Variants in POLR3B observed in about 807,000 individuals in gnomAD.
POLR3B encodes the protein RNA polymerase III subunit B, also known as DNA-directed RNA polymerase III subunit RPC2.
POLR3B carries 96 observed loss-of-function variants against 147.4 expected under a neutral mutation model. The observed-to-expected ratio is 0.65, with a 90% confidence interval of 0.55 to 0.77. The LOEUF is 0.77. POLR3B is among the 30% of genes least tolerant of loss of function. The pLI is 0.00. For missense variants in POLR3B, 1,036 were observed against 1,413.5 expected (o/e 0.73, Z 4.28); for synonymous variants, 461 against 485.9 (o/e 0.95, Z 0.67).
chr12:106,438,299 A>C (rs2037604279), intron 18 of POLR3B, among the ~76,000 whole-genome samples: 1 of 152,188 alleles, frequency 6.6e-6, no homozygotes, highest in African/African-American at 2.4e-5. Context: ...AGAAATATAC[A>C]ATTTTATAGC....
rs772725938 is a variant in POLR3B at position 106,474,671 on chromosome 12, C to T, written c.2713+11051C>T. Among the ~76,000 whole-genome samples, 19 of 138,726 alleles carry T rather than the reference C, an allele frequency of 1.4e-4. No individual in the cohort carries two copies. In the South Asian group the frequency reaches 4.2e-3, roughly 31 times the overall value. The allele number at this position is 138,726 out of a possible 152,430, so 91.0% of individuals were successfully genotyped here. On this transcript the variant is annotated intron_variant, in intron 23 of 27. Transcript: ENST00000228347. ...TTTGCGTAGAGGTGTTTGTAGTATT[C>T]TCTGATGGTAGTTTGTATTTCTGTG...
intron 10 of POLR3B, among the ~76,000 whole-genome samples, chr12:106,394,593 A>G (rs939652386): frequency 7.2e-5 from 11 of 152,196 alleles, no homozygotes; most frequent in African/African-American, 2.2e-4. Context: ...TTTATTTCAA[A>G]CATCATCATT....
intron 6 of POLR3B, among the ~76,000 whole-genome samples, chr12:106,373,352 A>G (rs1257759084): frequency 6.6e-6 from 1 of 152,168 alleles, no homozygotes; most frequent in Non-Finnish European, 1.5e-5. Context: ...TTTATCTCTT[A>G]TAATATTCTT....
At chr12:106,507,845 A>G (rs1373118820) in intron 27 of POLR3B, 2 of 455,500 alleles carry the variant, frequency 4.4e-6, no homozygotes, top group Non-Finnish European at 8.8e-6. Flanking sequence ...ACTGATTGCA[A>G]AAATGATCCC....
intron 18 of POLR3B, among the ~76,000 whole-genome samples, chr12:106,440,955 A>G (rs1365507357): frequency 6.6e-6 from 1 of 152,126 alleles, no homozygotes; most frequent in African/African-American, 2.4e-5. Context: ...TTTTTGTATT[A>G]TTTAATTCAT....
At chr12:106,499,795 C>T (rs2038566212) in intron 25 of POLR3B, among the ~76,000 whole-genome samples, 1 of 152,174 alleles carries the variant, frequency 6.6e-6, no homozygotes, top group Non-Finnish European at 1.5e-5. Flanking sequence ...CCTTCCACTC[C>T]ACTCTGTGTC....
At chr12:106,368,562 A>G (rs1315522705) in intron 4 of POLR3B, among the ~76,000 whole-genome samples, 7 of 152,168 alleles carry the variant, frequency 4.6e-5, no homozygotes, top group African/African-American at 7.2e-5. Context: ...ATCCTAGACT[A>G]TAAATAAAGT....
At chr12:106,460,766 ATCT>A (rs1240619054) in intron 22 of POLR3B, among the ~76,000 whole-genome samples, 2 of 151,978 alleles carry the variant, frequency 1.3e-5, no homozygotes, top group East Asian at 3.9e-4. Flanking sequence ...TTTTTCTGTC[ATCT>A]TCTCTTTTAT....
rs755414860 is a variant in POLR3B at position 106,496,046 on chromosome 12, C to G, written c.2714-9C>G. On this transcript the variant is annotated splice_polypyrimidine_tract_variant and intron_variant, in intron 23 of 27. Transcript: ENST00000228347. ...TGCTTTATGTGGCATGAAATCTTCT[C>G]TCCCCCAGGTGTTTGTGGCTTGATC... The G allele has an allele frequency of 6.4e-7, 1 of 1,555,024 alleles. No individual in the cohort carries two copies.
At chr12:106,461,975 T>C (rs1303975376) in intron 22 of POLR3B, among the ~76,000 whole-genome samples, 1 of 152,136 alleles carries the variant, frequency 6.6e-6, no homozygotes, top group Non-Finnish European at 1.5e-5. Flanking sequence ...TTTACAGTGG[T>C]CCCAAACAGG....
chr12:106,479,628 C>A (rs190660568), intron 23 of POLR3B, among the ~76,000 whole-genome samples: 12 of 152,260 alleles, frequency 7.9e-5, no homozygotes, highest in Admixed American at 2.0e-4. Context: ...CGTGATCCAC[C>A]TGCCTCGGCC....
At chr12:106,369,488 G>A (rs1020765670) in intron 5 of POLR3B, 95 bp from the exon 6 acceptor site, 5 of 980,884 alleles carry the variant, frequency 5.1e-6, no homozygotes, top group Non-Finnish European at 8.3e-6. Flanking sequence ...AGTTCAATGT[G>A]GACCATAATT....
rs1319961848 is a variant in POLR3B at position 106,510,115 on chromosome 12, T to C, written c.*566T>C. On this transcript the variant is annotated 3_prime_UTR_variant, in exon 28 of 28. Transcript: ENST00000228347. Reference sequence around the variant, plus strand: ...CCTACCTTGTCAAGCAAGAATGTCGTCTTCTCCTATGGACTCAATTGCTAT... The same window carrying C: ...CCTACCTTGTCAAGCAAGAATGTCGCCTTCTCCTATGGACTCAATTGCTAT... The C allele has an allele frequency of 5.9e-6, 1 of 169,724 alleles. No individual in the cohort carries two copies. Among genetic ancestry groups the C allele is most frequent in the Admixed American group, 5.6e-5 (1 of 17,980 alleles). The allele number at this position is 169,724 out of a possible 1,614,324, so 10.5% of individuals were successfully genotyped here.
At chr12:106,370,432 C>T (rs2036588165) in intron 6 of POLR3B, among the ~76,000 whole-genome samples, 1 of 152,064 alleles carries the variant, frequency 6.6e-6, no homozygotes, top group South Asian at 2.1e-4. Context: ...GTAATTATGG[C>T]ACCATTTGGT....
At chr12:106,475,748 G>A (rs1219890422) in intron 23 of POLR3B, among the ~76,000 whole-genome samples, 1 of 146,934 alleles carries the variant, frequency 6.8e-6, no homozygotes, top group Non-Finnish European at 1.5e-5. Flanking sequence ...TTTATTTTGA[G>A]CCTATGTGTG....
At chr12:106,379,575 T>G (rs1235824611) in intron 8 of POLR3B, among the ~76,000 whole-genome samples, 1 of 152,228 alleles carries the variant, frequency 6.6e-6, no homozygotes, top group African/African-American at 2.4e-5. Context: ...AGAAGGATAT[T>G]CCTTTCTTTT....
intron 23 of POLR3B, among the ~76,000 whole-genome samples, chr12:106,482,662 G>A (rs541599817): frequency 6.6e-6 from 1 of 152,198 alleles, no homozygotes; most frequent in African/African-American, 2.4e-5. Context: ...CGAGATTTGG[G>A]TGGGGACACA....
chr12:106,366,432 A>G (rs563037224), intron 2 of POLR3B, 84 bp from the exon 3 acceptor site: 8 of 843,808 alleles, frequency 9.5e-6, no homozygotes, highest in Admixed American at 3.8e-5. Flanking sequence ...ATTAGATTCC[A>G]TTATATGATC....
At chr12:106,358,004 G>T in intron 1 of POLR3B, 53 bp downstream of exon 1, 1 of 1,599,020 alleles carries the variant, frequency 6.3e-7, no homozygotes, top group East Asian at 2.2e-5. Context: ...CCCTGAGGGG[G>T]CGTTGCCCGG....
Sources: allele counts gnomAD v4.1 joint callset (sites outside exome capture counted in the v4.1 genomes callset), GRCh38; gene constraint gnomAD v4.1.1; transcripts MANE v1.5; gene names NCBI Gene and HGNC (gene_info 2026-07-23, HGNC 2026-07-21).